Variants in COL6A6 observed in about 807,000 individuals in gnomAD.
COL6A6 encodes collagen type VI alpha 6 chain.
COL6A6 carries 183 observed loss-of-function variants against 208.6 expected under a neutral mutation model. That is an observed-to-expected ratio of 0.88 (90% CI 0.78 to 0.99). The LOEUF (loss-of-function observed/expected upper bound fraction) is 0.99, where lower values mean the gene tolerates loss of function less well. Among genes scored for constraint, COL6A6 ranks in the 50% least tolerant of loss-of-function variants. The probability of loss-of-function intolerance (pLI) is 0.00; values close to 1 mark genes in which losing one functional copy is unlikely to be tolerated. For synonymous variants in COL6A6, 973 were observed against 1,011.8 expected (o/e 0.96, Z 0.73); for missense variants, 2,816 against 2,815.2 (o/e 1.00, Z -0.01).
intron 6 of COL6A6, 74 bp from the exon 7 acceptor site, chr3:130,570,744 A>G: frequency 8.8e-7 from 1 of 1,133,704 alleles, no homozygotes; most frequent in East Asian, 2.4e-5. Context: ...CTAGCAATTT[A>G]TAAAAAGGTT....
At chr3:130,594,216 T>A (rs2063789120) in intron 17 of COL6A6, 65 bp from the exon 18 acceptor site, 1 of 1,214,720 alleles carries the variant, frequency 8.2e-7, no homozygotes, top group Non-Finnish European at 1.2e-6. Context: ...GAAGAAAAGC[T>A]CTGTTTTTAT....
At chr3:130,578,713 G>C (rs1317565980) in intron 8 of COL6A6, among the ~76,000 whole-genome samples, 1 of 152,186 alleles carries the variant, frequency 6.6e-6, no homozygotes, top group Non-Finnish European at 1.5e-5. Flanking sequence ...GCCCCTTATG[G>C]AAACTGCTGG....
chr3:130,658,479 AC>A (rs1192289004), intron 33 of COL6A6, among the ~76,000 whole-genome samples, 196 bp from the exon 34 acceptor site: 2 of 152,202 alleles, frequency 1.3e-5, no homozygotes, highest in African/African-American at 4.8e-5. Context: ...ATGGAAAATA[AC>A]TTGTCATATA....
intron 36 of COL6A6, among the ~76,000 whole-genome samples, chr3:130,671,001 G>GC (rs2066199255): frequency 6.6e-6 from 1 of 152,202 alleles, no homozygotes; most frequent in Non-Finnish European, 1.5e-5. Context: ...GGGATGGCCA[G>GC]CCAAGGGAAG....
chr3:130,661,755 C>T lies in COL6A6; in HGVS notation c.5949C>T (p.Asp1983=). Reference sequence around the variant, plus strand: ...ACATGGGAAGTGCTGAATTTGAAGACATAAGAGCCTTCCTTGGAGCACTAT... The same window carrying T: ...ACATGGGAAGTGCTGAATTTGAAGATATAAGAGCCTTCCTTGGAGCACTAT... ...SRNMGSAEFE[D]IRAFLGALLD... Residue 1983 remains aspartate (D), a synonymous_variant, in exon 35 of 37, where the codon GAC becomes GAT. Coordinates refer to ENST00000358511, the MANE Select transcript of COL6A6 (RefSeq NM_001102608.3). 1 of 1,613,900 alleles carries T rather than the reference C, an allele frequency of 6.2e-7. No homozygotes were observed. Among genetic ancestry groups the T allele is most frequent in the Non-Finnish European group, 8.5e-7 (1 of 1,179,872 alleles).
intron 21 of COL6A6, among the ~76,000 whole-genome samples, chr3:130,607,560 G>C (rs1395027470): frequency 6.6e-6 from 1 of 152,086 alleles, no homozygotes; most frequent in Admixed American, 6.5e-5. Context: ...AACATGGTGA[G>C]ACTCCAGAAT....
intron 2 of COL6A6, 29 bp from the exon 3 acceptor site, chr3:130,563,039 G>C (rs1255203476): frequency 6.7e-7 from 1 of 1,502,986 alleles, no homozygotes; most frequent in South Asian, 1.3e-5. Flanking sequence ...TAAAGTTTTT[G>C]GTTCGTTCAT....
upstream of COL6A6, among the ~76,000 whole-genome samples, chr3:130,517,010 G>A (rs1202028497): frequency 1.3e-5 from 2 of 152,214 alleles, no homozygotes; most frequent in Non-Finnish European, 2.9e-5. Context: ...AGAAGCCGGT[G>A]GAGCAGTAAC....
chr3:130,670,932 CA>C (rs1478912220), intron 36 of COL6A6, among the ~76,000 whole-genome samples: 1 of 152,176 alleles, frequency 6.6e-6, no homozygotes, highest in Non-Finnish European at 1.5e-5. Context: ...TGGCCCAAGA[CA>C]ATTCTTCCAG....
rs1334917435 is a variant in COL6A6 at position 130,565,023 on chromosome 3, GT to G, written c.692del (p.Val231GlyfsTer31). 1.9e-6 allele frequency: 3 copies of G among 1,613,980 alleles called. No homozygotes were observed. Among genetic ancestry groups the G allele is most frequent in the Non-Finnish European group, 2.5e-6 (3 of 1,179,864 alleles). On this transcript the variant is annotated frameshift_variant, in exon 4 of 37. Coordinates refer to ENST00000358511, the MANE Select transcript of COL6A6 (RefSeq NM_001102608.3). LOFTEE classifies it high-confidence loss of function. ...ACQGPSMADV[V>X]FLLDMSINGS... ...CCAAGGCCCTTCTATGGCCGATGTT[GT>G]GTTCCTATTGGATATGTCAATCAAT...
At chr3:130,539,927 T>C (rs2062321292) in intron 1 of COL6A6, among the ~76,000 whole-genome samples, 6 of 152,198 alleles carry the variant, frequency 3.9e-5, no homozygotes, top group Admixed American at 3.9e-4. Context: ...AAAATATACA[T>C]TTATTGGATT....
chr3:130,521,753 C>G (rs891551008), intron 1 of COL6A6, among the ~76,000 whole-genome samples: 3 of 152,322 alleles, frequency 2.0e-5, no homozygotes, highest in East Asian at 3.9e-4. Context: ...GAAGTAAACA[C>G]CCCTGGAGCA....
At chr3:130,647,996 T>C (rs928736316) in intron 32 of COL6A6, among the ~76,000 whole-genome samples, 5 of 152,238 alleles carry the variant, frequency 3.3e-5, no homozygotes, top group African/African-American at 1.2e-4. Context: ...CAGGGACTAA[T>C]AACTTAGAAG....
In COL6A6 at chr3:130,661,882, A is replaced by T; in HGVS notation, c.6076A>T (p.Lys2026Ter). 1 of 1,613,930 alleles carries T rather than the reference A, an allele frequency of 6.2e-7. No individual in the cohort carries two copies. The highest frequency in any genetic ancestry group is 8.5e-7 in the Non-Finnish European group (1 of 1,179,860). Residue 2026 changes from lysine (K) to a stop codon, truncating the protein, a stop_gained, in exon 35 of 37, where the codon AAG becomes TAG. Coordinates refer to ENST00000358511, the MANE Select transcript of COL6A6 (RefSeq NM_001102608.3). LOFTEE classifies it high-confidence loss of function. ...CCCCGACTTCCTACCCAACACTCAG[A>T]AGAGTCCAGTTAGAGCTGAGTTCAA... ...APPDFLPNTQ[K>*]SPVRAEFNLT...
chr3:130,533,370 C>T (rs2062152004), intron 1 of COL6A6, among the ~76,000 whole-genome samples: 1 of 152,016 alleles, frequency 6.6e-6, no homozygotes, highest in African/African-American at 2.4e-5. Context: ...AACCCTCTAC[C>T]AGATTGGTTT....
chr3:130,673,950 C>T (rs1392128555), intron 36 of COL6A6, among the ~76,000 whole-genome samples: 7 of 152,140 alleles, frequency 4.6e-5, no homozygotes, highest in Admixed American at 4.6e-4. Flanking sequence ...GAGTGAGACC[C>T]TGTCTCAAAT....
intron 21 of COL6A6, among the ~76,000 whole-genome samples, chr3:130,608,395 ATT>A (rs1219440711): frequency 2.0e-5 from 3 of 152,248 alleles, no homozygotes; most frequent in Non-Finnish European, 4.4e-5. Context: ...AGTTGCCTAA[ATT>A]ATAAACTTCT....
At chr3:130,583,999 G>A (rs1388545461) in intron 10 of COL6A6, among the ~76,000 whole-genome samples, 1 of 152,102 alleles carries the variant, frequency 6.6e-6, no homozygotes, top group African/African-American at 2.4e-5. Flanking sequence ...GGCGGACGTG[G>A]CTGTAAAACT....
chr3:130,557,585 TC>T (rs1489299665), intron 1 of COL6A6, among the ~76,000 whole-genome samples: 1 of 152,222 alleles, frequency 6.6e-6, no homozygotes, highest in Non-Finnish European at 1.5e-5. Context: ...ACAGTGATAA[TC>T]TTGTTTCTGA....
Sources: gnomAD v4.1 joint callset for allele counts (sites outside exome capture counted in the v4.1 genomes callset) on GRCh38, gnomAD v4.1.1 for gene constraint, MANE v1.5 for transcripts, NCBI Gene and HGNC (gene_info 2026-07-23, HGNC 2026-07-21) for gene names.